Variants in SH3KBP1 observed in about 807,000 individuals in gnomAD.
SH3KBP1 encodes the protein SH3 domain containing kinase binding protein 1.
A neutral mutation model predicts 50.1 loss-of-function variants in SH3KBP1; 8 were observed. The observed-to-expected ratio is 0.16, with a 90% CI of 0.09 to 0.29. The LOEUF (loss-of-function observed/expected upper bound fraction) is 0.29. Among genes scored for constraint, SH3KBP1 ranks in the 10% least tolerant of loss-of-function variants. SH3KBP1 has a pLI of 1.00. For synonymous variants in SH3KBP1, 227 were observed against 218.6 expected (o/e 1.04, Z -0.34); for missense variants, 377 against 535.2 (o/e 0.70, Z 2.92).
At position 19,784,047 on chromosome X, in the gene SH3KBP1, C is replaced by T. The variant is rs183037845; in HGVS notation, c.163-37606G>A. Among the ~76,000 whole-genome samples the T allele has an allele frequency of 2.5e-3, 283 of 112,060 alleles. 2 individuals are homozygous for T. The highest frequency in any genetic ancestry group is 8.6e-3 in the African/African-American group (267 of 30,907). On this transcript the variant is annotated intron_variant, in intron 2 of 17. Coordinates refer to ENST00000397821, the MANE Select transcript of SH3KBP1 (RefSeq NM_031892.3). ...AAATGAACCCGTATCAATTATTTGA[C>T]GACCATCTGGTTGCTAACAAGAGAC... is the stretch of plus-strand genomic sequence containing the variant.
intron 2 of SH3KBP1, among the ~76,000 whole-genome samples, chrX:19,798,958 T>C (rs1454780366): frequency 3.6e-5 from 4 of 112,004 alleles, no homozygotes; most frequent in African/African-American, 1.3e-4. Context: ...AGATCTTGGT[T>C]AGCAGCCCAT....
chrX:19,632,881 C>T (rs1030738729), intron 7 of SH3KBP1, among the ~76,000 whole-genome samples: 1 of 111,904 alleles, frequency 8.9e-6, no homozygotes, highest in Non-Finnish European at 1.9e-5. Context: ...GGACAGGCAT[C>T]GATTATTCTG....
chrX:19,788,286 C>CAAAAAAAAAAAAAAAAAAAAA (rs1170966414), intron 2 of SH3KBP1, among the ~76,000 whole-genome samples: 1 of 65,719 alleles, frequency 1.5e-5, no homozygotes. Context: ...AAAAAAAAAA[C>CAAAAAAAAAAAAAAAAAAAAA]AAAAAAAAAA....
At chrX:19,631,770 C>A in intron 8 of SH3KBP1, 94 bp downstream of exon 8, 1 of 483,724 alleles carries the variant, frequency 2.1e-6, no homozygotes, top group Non-Finnish European at 3.4e-6. Flanking sequence ...CTGAGAAAAC[C>A]AAGCTTTCAA....
At chrX:19,855,082 T>G (rs2068609301) in intron 1 of SH3KBP1, among the ~76,000 whole-genome samples, 1 of 110,803 alleles carries the variant, frequency 9.0e-6, no homozygotes, top group Non-Finnish European at 1.9e-5. Flanking sequence ...TTCAAGCAAT[T>G]AGCGATTCTT....
chrX:19,885,031 G>T (rs958458107), intron 1 of SH3KBP1, among the ~76,000 whole-genome samples: 1 of 111,875 alleles, frequency 8.9e-6, no homozygotes, highest in Non-Finnish European at 1.9e-5. Flanking sequence ...AGGCACAGTG[G>T]TGTGAGCGTG....
intron 1 of SH3KBP1, among the ~76,000 whole-genome samples, chrX:19,861,982 T>C (rs1430049259): frequency 8.9e-6 from 1 of 112,169 alleles, no homozygotes; most frequent in East Asian, 2.8e-4. Flanking sequence ...CCTTTGCTCT[T>C]GACCGCTTTT....
At chrX:19,854,281 AATTTTTAGT>A (rs1239347796) in intron 1 of SH3KBP1, among the ~76,000 whole-genome samples, 2 of 109,850 alleles carry the variant, frequency 1.8e-5, no homozygotes, top group African/African-American at 6.6e-5. Context: ...ACGCCCGGTT[AATTTTTAGT>A]ATTTTTAGTA....
chrX:19,793,251 T>A (rs2066594441), intron 2 of SH3KBP1, among the ~76,000 whole-genome samples: 1 of 106,524 alleles, frequency 9.4e-6, no homozygotes, highest in African/African-American at 3.5e-5. Context: ...TGAGTTGTGA[T>A]CACACCACTG....
intron 13 of SH3KBP1, among the ~76,000 whole-genome samples, chrX:19,565,021 A>C (rs2065795757): frequency 9.9e-6 from 1 of 100,564 alleles, no homozygotes; most frequent in Non-Finnish European, 2.0e-5. Context: ...GTTTGGGCTC[A>C]TGGGTCAGAG....
intron 2 of SH3KBP1, among the ~76,000 whole-genome samples, chrX:19,748,493 G>C (rs1234998119): frequency 1.8e-5 from 2 of 111,530 alleles, no homozygotes; most frequent in Non-Finnish European, 3.8e-5. Flanking sequence ...CTGAAGGGCT[G>C]AGAAACTGGC....
At chrX:19,855,038 C>T (rs1372448686) in intron 1 of SH3KBP1, among the ~76,000 whole-genome samples, 3 of 110,997 alleles carry the variant, frequency 2.7e-5, no homozygotes, top group Non-Finnish European at 5.7e-5. Flanking sequence ...TGCAGTGGTG[C>T]GATGTCGGCT....
chrX:19,642,500 CT>C (rs747750975), intron 7 of SH3KBP1, among the ~76,000 whole-genome samples: 1 of 112,219 alleles, frequency 8.9e-6, no homozygotes, highest in African/African-American at 3.2e-5. Flanking sequence ...CTGATCTGCC[CT>C]TGTACAAATT....
intron 7 of SH3KBP1, among the ~76,000 whole-genome samples, chrX:19,638,422 A>AG (rs2148343352): frequency 9.2e-6 from 1 of 109,261 alleles, no homozygotes; most frequent in Non-Finnish European, 1.9e-5. Flanking sequence ...AAAAAAAAAA[A>AG]AAAAAAGGCC....
chrX:19,578,896 C>T (rs1268766187), intron 12 of SH3KBP1, among the ~76,000 whole-genome samples: 1 of 111,713 alleles, frequency 9.0e-6, no homozygotes, highest in African/African-American at 3.3e-5. Context: ...GAGCCTCCCT[C>T]CCTTTCCCAG....
chrX:19,755,403 A>T, intron 2 of SH3KBP1, among the ~76,000 whole-genome samples: 1 of 111,791 alleles, frequency 8.9e-6, no homozygotes, highest in Non-Finnish European at 1.9e-5. Context: ...AATTACAGAA[A>T]ACTAAGAATA....
chrX:19,592,249 A>AT (rs2066771135), intron 10 of SH3KBP1, 102 bp from the exon 11 acceptor site: 2 of 692,121 alleles, frequency 2.9e-6, no homozygotes, highest in Non-Finnish European at 4.4e-6. Context: ...AGTCAGTAAG[A>AT]TTTTTTCCCC....
At chrX:19,852,035 G>A (rs1221371610) in intron 1 of SH3KBP1, among the ~76,000 whole-genome samples, 1 of 111,739 alleles carries the variant, frequency 8.9e-6, no homozygotes, top group African/African-American at 3.3e-5. Context: ...TGGAACCTGG[G>A]CAGGCTGGTG....
chrX:19,787,369 A>G (rs2066380357), intron 2 of SH3KBP1, among the ~76,000 whole-genome samples: 2 of 112,359 alleles, frequency 1.8e-5, no homozygotes, highest in Non-Finnish European at 3.8e-5. Flanking sequence ...ATTAACTAGC[A>G]TTAGTAAATG....
Sources: allele counts gnomAD v4.1 joint callset (sites outside exome capture counted in the v4.1 genomes callset), GRCh38; gene constraint gnomAD v4.1.1; transcripts MANE v1.5; gene names NCBI Gene and HGNC (gene_info 2026-07-23, HGNC 2026-07-21).